Variants in ATP10A observed in about 807,000 individuals in gnomAD.
The protein encoded by ATP10A is ATPase phospholipid transporting 10A (putative).
Under a neutral mutation model 147.8 loss-of-function variants are expected in ATP10A, and 111 were observed. The ratio of observed to expected loss-of-function variants is 0.75; its 90% CI spans 0.64 to 0.88. ATP10A has a LOEUF of 0.88. Among genes scored for constraint, ATP10A ranks in the 40% least tolerant of loss-of-function variants. The pLI, the probability that ATP10A is intolerant of heterozygous loss-of-function variation, is 0.00. For synonymous variants in ATP10A, 875 were observed against 841.6 expected (o/e 1.04, Z -0.69); for missense variants, 1,927 against 1,959.0 (o/e 0.98, Z 0.31).
At chr15:25,847,258 T>C (rs1438573984) in intron 1 of ATP10A, among the ~76,000 whole-genome samples, 1 of 152,134 alleles carries the variant, frequency 6.6e-6, no homozygotes, top group Non-Finnish European at 1.5e-5. Flanking sequence ...CTGAGTAACA[T>C]CTCTTGGGAC....
At chr15:25,819,293 C>T (rs1265943554) in intron 1 of ATP10A, among the ~76,000 whole-genome samples, 7 of 152,136 alleles carry the variant, frequency 4.6e-5, no homozygotes, top group Non-Finnish European at 1.0e-4. Context: ...CAAAACTAGA[C>T]ATATAAATGG....
intron 3 of ATP10A, among the ~76,000 whole-genome samples, chr15:25,728,196 C>G (rs1214442729): frequency 6.6e-6 from 1 of 152,194 alleles, no homozygotes; most frequent in Non-Finnish European, 1.5e-5. Flanking sequence ...CACCAGGGAC[C>G]CCTGCAGGGG....
Position 25,739,935 on chromosome 15 carries a change from C to A in ATP10A, c.655-3794G>T, listed in dbSNP as rs80261435. Reference sequence around the variant, plus strand: ...CTGCTAGAGACCGCAGCAGCAGGTGCTCCAGGGATGCCCAGAGCCCTGCGG... The same window carrying A: ...CTGCTAGAGACCGCAGCAGCAGGTGATCCAGGGATGCCCAGAGCCCTGCGG... On this transcript the variant is annotated intron_variant, in intron 2 of 20. Transcript: ENST00000555815. 2.2e-3 allele frequency among the ~76,000 whole-genome samples: 342 copies of A among 152,296 alleles called. 1 individual carries two copies. Among genetic ancestry groups the A allele is most frequent in the African/African-American group, 7.9e-3 (329 of 41,570 alleles).
At chr15:25,862,003 C>T in intron 1 of ATP10A, 2 of 334,016 alleles carry the variant, frequency 6.0e-6, no homozygotes, top group South Asian at 4.4e-5. Context: ...CTCACAAACA[C>T]CCCACAGCCT....
intron 15 of ATP10A, among the ~76,000 whole-genome samples, chr15:25,689,229 C>T (rs186351918): frequency 1.3e-5 from 2 of 152,346 alleles, no homozygotes; most frequent in East Asian, 3.9e-4. Context: ...TTTCCAAAGC[C>T]TCCCAGCTTT....
intron 1 of ATP10A, among the ~76,000 whole-genome samples, chr15:25,829,555 G>A (rs989473257): frequency 1.3e-5 from 2 of 152,184 alleles, no homozygotes; most frequent in African/African-American, 4.8e-5. Flanking sequence ...GGAGGAGGGT[G>A]GGTAGAGAAA....
chr15:25,707,891 G>A (rs778126586), intron 12 of ATP10A, 85 bp downstream of exon 12: 10 of 1,550,848 alleles, frequency 6.4e-6, no homozygotes, highest in Non-Finnish European at 8.8e-6. Context: ...CTGCGGAGCA[G>A]CCGCTGACAA....
Position 25,726,769 on chromosome 15 carries a change from A to AGGCC in ATP10A, c.847+387_847+390dup, listed in dbSNP as rs538754453. 1.4e-3 allele frequency among the ~76,000 whole-genome samples: 212 copies of AGGCC among 148,566 alleles called. 7 individuals carry two copies. The South Asian group carries it at 0.047, about 33-fold the overall frequency. On this transcript the variant is annotated intron_variant, in intron 4 of 20. Transcript: ENST00000555815. Reference sequence around the variant, plus strand: ...TGCTACTCTTAGAAAACGGTGAGGGAGGCCGGGCACGGTGACTCATGCCTG... The same window carrying AGGCC: ...TGCTACTCTTAGAAAACGGTGAGGGAGGCCGGCCGGGCACGGTGACTCATGCCTG...
In ATP10A at chr15:25,736,085, G is replaced by C; in HGVS notation, c.711C>G (p.Asn237Lys). The change falls in exon 3 of 21, where the codon AAC becomes AAG. Residue 237 changes from asparagine to lysine, a missense_variant. Transcript: ENST00000555815. ...FTSVIECEKP[N>K]NDLSRFRGCI... is the part of the protein sequence containing the mutation. ...AGCCGCGAAACCTACTCAGGTCGTTGTTTGGCTTCTCGCATTCGATCACGC... is the reference window on the plus strand; with the variant it reads ...AGCCGCGAAACCTACTCAGGTCGTTCTTTGGCTTCTCGCATTCGATCACGC... The C allele has an allele frequency of 6.2e-7, 1 of 1,613,748 alleles. No individual in the cohort carries two copies. Among genetic ancestry groups the C allele is most frequent in the Non-Finnish European group, 8.5e-7 (1 of 1,180,022 alleles).
At chr15:25,838,184 G>A (rs1195592500) in intron 1 of ATP10A, among the ~76,000 whole-genome samples, 1 of 152,208 alleles carries the variant, frequency 6.6e-6, no homozygotes, top group African/African-American at 2.4e-5. Flanking sequence ...GAACATAACA[G>A]AAACTGTGAT....
rs747575254 is a variant in ATP10A at position 25,683,385 on chromosome 15, C to T, written c.3393G>A (p.Ser1131=). The change falls in exon 17 of 21, where the codon TCG becomes TCA. Residue 1131 remains serine, a synonymous_variant. Coordinates refer to ENST00000555815, the MANE Select transcript of ATP10A (RefSeq NM_024490.4). The stretch of plus-strand genomic sequence containing the variant: ...CCCCAGTCACGAGCGGGGGAAGTGA[C>T]GAGAAGAGCAGATTAAAGAAGATTA... ...WYLIFFNLLF[S]SLPPLVTGVL... 29 of 1,613,828 alleles carry T rather than the reference C, an allele frequency of 1.8e-5. No individual in the cohort carries two copies. Among genetic ancestry groups the T allele is most frequent in the Middle Eastern group, 1.6e-4 (1 of 6,084 alleles).
rs573711772 is a variant in ATP10A at position 25,695,119 on chromosome 15, A to G, written c.2788T>C (p.Cys930Arg). 20 of 1,613,768 alleles carry G rather than the reference A, an allele frequency of 1.2e-5. No individual in the cohort carries two copies. In the African/African-American group the frequency reaches 1.9e-4, roughly 15 times the overall value. The change falls in exon 14 of 21, where the codon TGC (cysteine) becomes CGC (arginine). Residue 930 changes from cysteine to arginine, a missense_variant. Physicochemically the swap from Cys to Arg is radical, Grantham distance 180. Transcript: ENST00000555815. ...CCTCTGGACTGCACGTAGCATAGGC[A>G]CTGGTCTAGCAGGGCTGCACACGCC... ...QEACAALLDQ[C>R]LCYVQSRGLQ...
At chr15:25,705,749 AC>A (rs1900966796) in intron 12 of ATP10A, among the ~76,000 whole-genome samples, 1 of 152,180 alleles carries the variant, frequency 6.6e-6, no homozygotes, top group South Asian at 2.1e-4. Flanking sequence ...AAATACTCCC[AC>A]CTTGGCTGAC....
rs769518570 is a variant in ATP10A at position 25,683,299 on chromosome 15, C to A, written c.3479G>T (p.Gly1160Val). 8 of 1,613,818 alleles carry A rather than the reference C, an allele frequency of 5.0e-6. No homozygotes were observed. The South Asian group carries it at 5.5e-5, about 11-fold the overall frequency. ...GGGGAGCTTTACCTCCATGTTCTGG[C>A]CACTCTTGTAGAGCTGCGGGTTGGT... ...LLTNPQLYKS[G>V]QNMEEYRPRT... The change falls in exon 17 of 21, where the codon GGC (glycine) becomes GTC (valine). Residue 1160 changes from glycine to valine, a missense_variant. Gly to Val is a moderately radical substitution (Grantham distance 109, BLOSUM62 -3). Coordinates refer to ENST00000555815, the MANE Select transcript of ATP10A (RefSeq NM_024490.4).
At chr15:25,860,337 G>C (rs749678475) in intron 1 of ATP10A, among the ~76,000 whole-genome samples, 1 of 152,176 alleles carries the variant, frequency 6.6e-6, no homozygotes, top group Non-Finnish European at 1.5e-5. Flanking sequence ...GCCAGACATG[G>C]AGCCTGCATC....
intron 1 of ATP10A, among the ~76,000 whole-genome samples, chr15:25,794,365 A>C (rs1405866059): frequency 6.6e-6 from 1 of 151,086 alleles, no homozygotes; most frequent in Non-Finnish European, 1.5e-5. Context: ...AAATATAAGA[A>C]GCAAAAAAAA....
At chr15:25,780,042 G>A (rs1434826274) in intron 2 of ATP10A, among the ~76,000 whole-genome samples, 7 of 152,168 alleles carry the variant, frequency 4.6e-5, no homozygotes, top group East Asian at 1.9e-4. Flanking sequence ...CATCTAGAGC[G>A]GAGACAGGGA....
Position 25,694,820 on chromosome 15 carries a change from T to C in ATP10A, c.3087A>G (p.Ile1029Met). 6.2e-7 allele frequency: 1 copy of C among 1,603,180 alleles called. No homozygotes were observed. Among genetic ancestry groups the C allele is most frequent in the East Asian group, 2.2e-5 (1 of 44,650 alleles). Residue 1029 changes from isoleucine to methionine, a missense_variant and splice_region_variant, in exon 14 of 21, where the codon ATA becomes ATG. Ile to Met is a conservative substitution (Grantham distance 10). Transcript: ENST00000555815. ...CGTCTGGCCAGCTGGGATACTTGCC[T>C]ATGGCCAGGGTCATGGCCTTGAGCT... is the stretch of plus-strand genomic sequence containing the variant. ...RSKLKAMTLA[I>M]GDGANDVSMI...
rs750223651 is a variant in ATP10A, at chr15:25,679,839, CG to C, written c.4001del (p.Ser1334TrpfsTer42). 42 of 1,611,282 alleles carry C rather than the reference CG, an allele frequency of 2.6e-5. No individual in the cohort carries two copies. Among genetic ancestry groups the C allele is most frequent in the Non-Finnish European group, 3.4e-5 (40 of 1,179,948 alleles). ...TCCTCCCTGATGAGTGCTCGGTTCC[CG>C]AGTCCTTCGGGAGGCGTCCCTGAGC... ...TFAQGRLPKD[S>X]GTEHSSGRTV... On this transcript the variant is annotated frameshift_variant, in exon 21 of 21. Transcript: ENST00000555815. LOFTEE classifies it high-confidence loss of function.
Sources: gnomAD v4.1 joint callset for allele counts (sites outside exome capture counted in the v4.1 genomes callset) on GRCh38, gnomAD v4.1.1 for gene constraint, MANE v1.5 for transcripts, NCBI Gene and HGNC (gene_info 2026-07-23, HGNC 2026-07-21) for gene names.